Variants in GTF2F2 observed in about 807,000 individuals in gnomAD.
The protein encoded by GTF2F2 is ATP-dependent helicase GTF2F2.
Under a neutral mutation model 42.2 loss-of-function variants are expected in GTF2F2, and 23 were observed. The ratio of observed to expected loss-of-function variants is 0.55; its 90% CI spans 0.39 to 0.77. The LOEUF (loss-of-function observed/expected upper bound fraction) is 0.77, where lower values mean the gene tolerates loss of function less well. Ranked by LOEUF, GTF2F2 falls within the 30% of genes least tolerant of loss-of-function variation. GTF2F2 has a pLI of 0.00. For synonymous variants in GTF2F2, 105 were observed against 100.8 expected (o/e 1.04, Z -0.25); for missense variants, 261 against 287.2 (o/e 0.91, Z 0.66).
intron 2 of GTF2F2, among the ~76,000 whole-genome samples, chr13:45,144,261 A>C (rs1045882007): frequency 6.6e-6 from 1 of 152,002 alleles, no homozygotes; most frequent in East Asian, 1.9e-4. Flanking sequence ...CTCAAAAAAA[A>C]AATTAGTTTA....
At chr13:45,152,004 C>G (rs1593457330) in intron 4 of GTF2F2, among the ~76,000 whole-genome samples, 173 bp downstream of exon 4, 1 of 145,572 alleles carries the variant, frequency 6.9e-6, no homozygotes, top group African/African-American at 2.5e-5. Context: ...CAACCTCCAT[C>G]TCCTGGGTTC....
intron 1 of GTF2F2, among the ~76,000 whole-genome samples, chr13:45,127,024 A>G (rs1335542366): frequency 2.6e-5 from 4 of 152,164 alleles, no homozygotes; most frequent in Non-Finnish European, 4.4e-5. Flanking sequence ...GGTGTTTTGG[A>G]GCCTTGAAAC....
At chr13:45,161,965 T>G (rs1301499889) in intron 4 of GTF2F2, among the ~76,000 whole-genome samples, 1 of 152,236 alleles carries the variant, frequency 6.6e-6, no homozygotes, top group East Asian at 1.9e-4. Flanking sequence ...GTGGATAACC[T>G]GTCTTAATAA....
At chr13:45,123,655 A>T (rs904286050) in intron 1 of GTF2F2, among the ~76,000 whole-genome samples, 2 of 151,804 alleles carry the variant, frequency 1.3e-5, no homozygotes, top group South Asian at 2.1e-4. Context: ...AAACAACCAA[A>T]ACCTACGGGC....
chr13:45,262,812 A>G (rs993583327), intron 6 of GTF2F2, among the ~76,000 whole-genome samples: 1 of 151,816 alleles, frequency 6.6e-6, no homozygotes, highest in Non-Finnish European at 1.5e-5. Flanking sequence ...TGGCATGATC[A>G]TAGCTCACTG....
intron 5 of GTF2F2, among the ~76,000 whole-genome samples, chr13:45,239,089 A>AG (rs529286548): frequency 3.3e-5 from 5 of 152,214 alleles, no homozygotes; most frequent in Non-Finnish European, 4.4e-5. Flanking sequence ...ATTCATGAGA[A>AG]GCAGTTGTTA....
chr13:45,280,191 A>G (rs556829793), intron 7 of GTF2F2, among the ~76,000 whole-genome samples: 1 of 152,336 alleles, frequency 6.6e-6, no homozygotes, highest in African/African-American at 2.4e-5. Flanking sequence ...AATGGGAAGC[A>G]TGCGTGAGGG....
At chr13:45,177,948 T>C (rs1871964435) in intron 4 of GTF2F2, among the ~76,000 whole-genome samples, 1 of 152,164 alleles carries the variant, frequency 6.6e-6, no homozygotes, top group Non-Finnish European at 1.5e-5. Flanking sequence ...TCTTTTTATT[T>C]CCTGTGAGTA....
At chr13:45,123,890 T>C (rs1316662630) in intron 1 of GTF2F2, 1 of 321,046 alleles carries the variant, frequency 3.1e-6, no homozygotes, top group African/African-American at 2.2e-5. Flanking sequence ...GGGGTCTGCA[T>C]GGAAGCTGTG....
At chr13:45,207,260 G>A (rs957919709) in intron 4 of GTF2F2, 164 bp from the exon 5 acceptor site, 6 of 523,330 alleles carry the variant, frequency 1.1e-5, no homozygotes, top group African/African-American at 1.1e-4. Flanking sequence ...CAAGAATAAG[G>A]CTTCTCTCTG....
chr13:45,222,695 A>G (rs189640811), intron 5 of GTF2F2, among the ~76,000 whole-genome samples: 2 of 152,332 alleles, frequency 1.3e-5, no homozygotes, highest in Non-Finnish European at 1.5e-5. Flanking sequence ...TTGAACATCT[A>G]TTATATAACA....
intron 4 of GTF2F2, among the ~76,000 whole-genome samples, chr13:45,177,648 T>A: frequency 6.6e-6 from 1 of 151,970 alleles, no homozygotes; most frequent in Middle Eastern, 3.2e-3. Flanking sequence ...AGTATGAGAG[T>A]AGTGATGCTG....
chr13:45,131,794 A>G (rs1483843433), intron 1 of GTF2F2, among the ~76,000 whole-genome samples: 1 of 150,694 alleles, frequency 6.6e-6, no homozygotes, highest in Non-Finnish European at 1.5e-5. Context: ...TAGTTCAGCT[A>G]CTTGGGAGGC....
Position 45,120,593 on chromosome 13 carries a change from C to T in GTF2F2, c.-63C>T. 8.0e-7 allele frequency: 1 copy of T among 1,251,338 alleles called. No individual in the cohort carries two copies. Among genetic ancestry groups the T allele is most frequent in the East Asian group, 2.5e-5 (1 of 39,514 alleles). 77.5% of individuals were successfully genotyped at this position (1,251,338 alleles called of 1,614,324 possible). A position where few individuals can be genotyped will look rare whatever the true frequency, so the allele number is the denominator to read the frequency against. On this transcript the variant is annotated 5_prime_UTR_variant, in exon 1 of 8. Transcript: ENST00000340473. ...TTGTCCTTTGTTCCGGACGCCCGCT[C>T]CTCAGCCCTGCGGCTCCTGGGGTCG...
At chr13:45,275,675 G>A (rs1193407288) in intron 7 of GTF2F2, among the ~76,000 whole-genome samples, 1 of 151,968 alleles carries the variant, frequency 6.6e-6, no homozygotes, top group Non-Finnish European at 1.5e-5. Context: ...GTGTATATGT[G>A]CCACATTTTC....
At chr13:45,197,056 G>A (rs978670566) in intron 4 of GTF2F2, among the ~76,000 whole-genome samples, 1 of 151,742 alleles carries the variant, frequency 6.6e-6, no homozygotes, top group Non-Finnish European at 1.5e-5. Flanking sequence ...CTTCACTCTG[G>A]TGTTCTTCTG....
At chr13:45,127,092 G>A (rs539604054) in intron 1 of GTF2F2, among the ~76,000 whole-genome samples, 3 of 152,184 alleles carry the variant, frequency 2.0e-5, no homozygotes, top group East Asian at 1.9e-4. Context: ...TTAATAGGCC[G>A]GGACTTCTGG....
At chr13:45,260,889 G>C (rs558956281) in intron 6 of GTF2F2, among the ~76,000 whole-genome samples, 1 of 152,130 alleles carries the variant, frequency 6.6e-6, no homozygotes, top group Admixed American at 6.5e-5. Flanking sequence ...AAATTGGCTG[G>C]GTATGGTGGC....
In GTF2F2 at chr13:45,252,859, A is replaced by ATT. The variant is rs139972349; in HGVS notation, c.387-5_387-4dup. 1.7e-4 allele frequency: 204 copies of ATT among 1,205,938 alleles called. No homozygotes were observed. Among genetic ancestry groups the ATT allele is most frequent in the African/African-American group, 2.1e-4 (13 of 61,988 alleles). The allele number at this position is 1,205,938 out of a possible 1,614,324, so 74.7% of individuals were successfully genotyped here. On this transcript the variant is annotated splice_polypyrimidine_tract_variant and intron_variant, in intron 5 of 7. Transcript: ENST00000340473. The stretch of plus-strand genomic sequence containing the variant: ...AACAAGAGTGTTAATAATGCCTTAT[A>ATT]TTTTTTTTCAGATTGCAAATAGAAG...
Sources: allele counts gnomAD v4.1 joint callset (sites outside exome capture counted in the v4.1 genomes callset), GRCh38; gene constraint gnomAD v4.1.1; transcripts MANE v1.5; gene names NCBI Gene and HGNC (gene_info 2026-07-23, HGNC 2026-07-21).